Variants in OSBPL11 observed in about 807,000 individuals in gnomAD.
The protein encoded by OSBPL11 is oxysterol binding protein like 11, also known as oxysterol-binding protein-related protein 11.
A neutral mutation model predicts 84.4 loss-of-function variants in OSBPL11; 33 were observed. That is an observed-to-expected ratio of 0.39 (90% CI 0.30 to 0.52). The LOEUF is 0.52. OSBPL11 is among the 20% of genes least tolerant of loss of function. The probability of loss-of-function intolerance (pLI) is 0.72; values close to 1 mark genes in which losing one functional copy is unlikely to be tolerated. For missense variants in OSBPL11, 736 were observed against 901.1 expected, an observed-to-expected ratio of 0.82 and a Z score of 2.35; for synonymous variants, 276 against 310.2, an observed-to-expected ratio of 0.89 and a Z score of 1.16.
chr3:125,541,905 T>C (rs781394173), intron 10 of OSBPL11, among the ~76,000 whole-genome samples: 21 of 152,080 alleles, frequency 1.4e-4, no homozygotes, highest in Non-Finnish European at 2.9e-4. Flanking sequence ...AGTTAGTAAA[T>C]AATAGAGTCA....
At chr3:125,540,972 C>T (rs1409740461) in intron 10 of OSBPL11, among the ~76,000 whole-genome samples, 1 of 152,222 alleles carries the variant, frequency 6.6e-6, no homozygotes, top group Admixed American at 6.5e-5. Context: ...CATCACACTT[C>T]TTCCATAAAG....
intron 2 of OSBPL11, among the ~76,000 whole-genome samples, chr3:125,580,454 C>T (rs2107609452): frequency 7.4e-6 from 1 of 135,678 alleles, no homozygotes; most frequent in East Asian, 2.2e-4. Flanking sequence ...GCAGCGGTTG[C>T]ACTGCACTAA....
At chr3:125,563,915 A>G in intron 6 of OSBPL11, 72 bp from the exon 7 acceptor site, 2 of 1,571,116 alleles carry the variant, frequency 1.3e-6, no homozygotes, top group South Asian at 1.1e-5. Context: ...GTGGATTTTA[A>G]CAATTTTGTT....
At chr3:125,578,265 C>T (rs545707806) in intron 4 of OSBPL11, among the ~76,000 whole-genome samples, 2 of 152,114 alleles carry the variant, frequency 1.3e-5, no homozygotes, top group African/African-American at 2.4e-5. Flanking sequence ...AAATGAAAGA[C>T]ACCAGATACA....
intron 1 of OSBPL11, among the ~76,000 whole-genome samples, chr3:125,588,709 A>C (rs181092014): frequency 3.3e-5 from 5 of 152,326 alleles, no homozygotes; most frequent in Non-Finnish European, 7.3e-5. Context: ...AGCTGAGGAA[A>C]AGGCTAATGA....
intron 1 of OSBPL11, among the ~76,000 whole-genome samples, chr3:125,591,594 A>T (rs1936595451): frequency 1.3e-5 from 2 of 152,198 alleles, no homozygotes; most frequent in African/African-American, 4.8e-5. Flanking sequence ...TGAATCAGCT[A>T]GGAAATGAAT....
chr3:125,550,506 A>T (rs1179198974), intron 9 of OSBPL11, among the ~76,000 whole-genome samples: 2 of 152,164 alleles, frequency 1.3e-5, no homozygotes, highest in Non-Finnish European at 2.9e-5. Context: ...TTACAACAGA[A>T]CTTAAAAATG....
At chr3:125,562,934 A>T (rs1936098899) in intron 7 of OSBPL11, among the ~76,000 whole-genome samples, 1 of 152,172 alleles carries the variant, frequency 6.6e-6, no homozygotes, top group South Asian at 2.1e-4. Flanking sequence ...CTCAAAAAAA[A>T]AGGAGAAAAA....
Position 125,530,413 on chromosome 3 carries a change from G to A in OSBPL11, c.*102C>T. 2 of 1,056,140 alleles carry A rather than the reference G, an allele frequency of 1.9e-6. No homozygotes were observed. The highest frequency in any genetic ancestry group is 2.9e-6 in the Non-Finnish European group (2 of 683,392). 65.4% of individuals were successfully genotyped at this position (1,056,140 alleles called of 1,614,324 possible). A position where few individuals can be genotyped will look rare whatever the true frequency, so the allele number is the denominator to read the frequency against. On this transcript the variant is annotated 3_prime_UTR_variant, in exon 13 of 13. Transcript: ENST00000296220. ...ATTCAGGTTTAGCTAGTTTCAGTCTGCGCAATCAGGAAGCAGGTCACTCAG... is the reference window on the plus strand; with the variant it reads ...ATTCAGGTTTAGCTAGTTTCAGTCTACGCAATCAGGAAGCAGGTCACTCAG...
At chr3:125,561,779 T>C (rs1936083336) in intron 7 of OSBPL11, among the ~76,000 whole-genome samples, 1 of 152,222 alleles carries the variant, frequency 6.6e-6, no homozygotes, top group South Asian at 2.1e-4. Context: ...ATAGTGCCAT[T>C]CAGAGTTGTA....
chr3:125,585,993 T>C (rs987255882), intron 1 of OSBPL11, among the ~76,000 whole-genome samples: 7 of 152,156 alleles, frequency 4.6e-5, no homozygotes, highest in African/African-American at 1.7e-4. Flanking sequence ...TCTCAACACT[T>C]TGGGAGGCCA....
Position 125,552,434 on chromosome 3 carries a change from C to T in OSBPL11, c.1401G>A (p.Glu467=). ...AACTGCTAAAAACACTGGATGCTAC[C>T]TCGCTTTTTGGCATCTTCCAGGAAC... ...FHCSWKMPKS[E]VASSVFSSSS... Residue 467 remains glutamate, a synonymous_variant, in exon 9 of 13, where the codon GAG becomes GAA. Coordinates refer to ENST00000296220, the MANE Select transcript of OSBPL11 (RefSeq NM_022776.5). The T allele has an allele frequency of 6.2e-7, 1 of 1,614,142 alleles. No individual in the cohort carries two copies. The highest frequency in any genetic ancestry group is 8.5e-7 in the Non-Finnish European group (1 of 1,180,034).
intron 1 of OSBPL11, among the ~76,000 whole-genome samples, chr3:125,586,012 C>T (rs561547924): frequency 2.6e-5 from 4 of 152,124 alleles, no homozygotes; most frequent in Non-Finnish European, 5.9e-5. Context: ...CAAGGTGGGA[C>T]AATTCCTTGA....
chr3:125,583,853 C>A (rs573154418), intron 1 of OSBPL11, among the ~76,000 whole-genome samples: 5 of 152,134 alleles, frequency 3.3e-5, no homozygotes, highest in Admixed American at 1.3e-4. Flanking sequence ...CGGCCCAGGT[C>A]GCAATCAAGT....
At chr3:125,561,719 T>C (rs1462585699) in intron 7 of OSBPL11, among the ~76,000 whole-genome samples, 1 of 152,244 alleles carries the variant, frequency 6.6e-6, no homozygotes, top group East Asian at 1.9e-4. Context: ...TTACACTGCA[T>C]TCTATGGAGC....
At chr3:125,545,148 T>C (rs1043728373) in intron 10 of OSBPL11, among the ~76,000 whole-genome samples, 6 of 152,218 alleles carry the variant, frequency 3.9e-5, no homozygotes, top group Non-Finnish European at 8.8e-5. Context: ...GAAGCATAAT[T>C]ACATTTTATG....
At chr3:125,543,118 A>G (rs950840983) in intron 10 of OSBPL11, among the ~76,000 whole-genome samples, 5 of 144,860 alleles carry the variant, frequency 3.5e-5, no homozygotes, top group Non-Finnish European at 6.0e-5. Flanking sequence ...TCCTGGGGCT[A>G]GTAAGATTTT....
chr3:125,541,364 A>C (rs17331856), intron 10 of OSBPL11, among the ~76,000 whole-genome samples: 11,946 of 152,288 alleles, frequency 0.078, 646 homozygotes, highest in Non-Finnish European at 0.11. Context: ...ACAAAACCTC[A>C]ATTATATTAT....
chr3:125,585,049 G>C (rs1936485450), intron 1 of OSBPL11, among the ~76,000 whole-genome samples: 1 of 152,038 alleles, frequency 6.6e-6, no homozygotes, highest in Admixed American at 6.6e-5. Context: ...TAAAGTGTTG[G>C]GATTACAGGC....
Sources: gnomAD v4.1 joint callset for allele counts (sites outside exome capture counted in the v4.1 genomes callset) on GRCh38, gnomAD v4.1.1 for gene constraint, MANE v1.5 for transcripts, NCBI Gene and HGNC (gene_info 2026-07-23, HGNC 2026-07-21) for gene names.